The following MEGF11 variants were observed in gnomAD, a reference collection of about 807,000 sequenced individuals.
MEGF11 encodes the protein multiple epidermal growth factor-like domains protein 11.
A neutral mutation model predicts 146.6 loss-of-function variants in MEGF11; 126 were observed. The ratio of observed to expected loss-of-function variants is 0.86; its 90% CI spans 0.74 to 1.00. The LOEUF is 1.00. MEGF11 is among the 50% of genes least tolerant of loss of function. The pLI is 0.00. For missense variants in MEGF11, 1,509 were observed against 1,521.2 expected (o/e 0.99, Z 0.13); for synonymous variants, 532 against 583.4 (o/e 0.91, Z 1.27).
intron 4 of MEGF11, 97 bp from the exon 5 acceptor site, chr15:66,094,591 G>A: frequency 9.4e-7 from 1 of 1,062,650 alleles, no homozygotes; most frequent in East Asian, 2.6e-5. Context: ...CAACTCCCTG[G>A]TGCCCAGGGA....
intron 5 of MEGF11, among the ~76,000 whole-genome samples, chr15:66,090,969 T>G (rs576167683): frequency 6.6e-6 from 1 of 152,216 alleles, no homozygotes; most frequent in Non-Finnish European, 1.5e-5. Context: ...TGGTTATCTC[T>G]GGGGTGGAGA....
rs144042663 is a variant in MEGF11, at chr15:66,124,454, G to A, written c.99-454C>T. On this transcript the variant is annotated intron_variant, in intron 2 of 25. Transcript: ENST00000395614. ...TTATAGAGGAAGAAACTAAGGTTCA[G>A]AGAAAAGTGACTTGCCCAGCTCACA... is the stretch of plus-strand genomic sequence containing the variant. Among the ~76,000 whole-genome samples the A allele has an allele frequency of 2.4e-4, 36 of 152,326 alleles. No homozygotes were observed. In the East Asian group the frequency reaches 5.2e-3, roughly 22 times the overall value.
chr15:66,034,728 T>G (rs1198231678), intron 5 of MEGF11, among the ~76,000 whole-genome samples: 1 of 152,200 alleles, frequency 6.6e-6, no homozygotes, highest in Non-Finnish European at 1.5e-5. Context: ...GCAAATGCTA[T>G]GGTTTGAATG....
At position 65,957,718 on chromosome 15, in the gene MEGF11, G is replaced by A. The variant is rs1184747325; in HGVS notation, c.1116C>T (p.Cys372=). 35 of 1,613,530 alleles carry A rather than the reference G, an allele frequency of 2.2e-5. No individual in the cohort carries two copies. Among genetic ancestry groups the A allele is most frequent in the Non-Finnish European group, 2.7e-5 (32 of 1,179,868 alleles). Residue 372 remains cysteine (C), a synonymous_variant, in exon 10 of 26, where the codon TGC becomes TGT. Transcript: ENST00000395614. The part of the protein sequence containing the change: ...CPCDADNTIS[C]HPVTGACTCQ... ...AGGTACAAGCTCCAGTTACTGGGTG[G>A]CAGCTGCACAGATGAGAGAAGGGTG...
intron 10 of MEGF11, among the ~76,000 whole-genome samples, chr15:65,935,648 A>G (rs1402573058): frequency 1.3e-5 from 2 of 152,208 alleles, no homozygotes; most frequent in African/African-American, 4.8e-5. Flanking sequence ...CCTAATAGCA[A>G]AAAGTCCAAA....
At chr15:66,174,365 T>C (rs1247958004) in intron 1 of MEGF11, among the ~76,000 whole-genome samples, 1 of 152,120 alleles carries the variant, frequency 6.6e-6, no homozygotes, top group Non-Finnish European at 1.5e-5. Context: ...ATTAAGCATG[T>C]GCCCGAGACT....
chr15:65,964,070 A>C (rs1411698463), intron 9 of MEGF11, among the ~76,000 whole-genome samples: 1 of 152,224 alleles, frequency 6.6e-6, no homozygotes, highest in Non-Finnish European at 1.5e-5. Context: ...CATCACCCAG[A>C]TAAGAGGCAG....
At chr15:65,997,794 A>C (rs1175110945) in intron 5 of MEGF11, among the ~76,000 whole-genome samples, 1 of 152,230 alleles carries the variant, frequency 6.6e-6, no homozygotes, top group African/African-American at 2.4e-5. Flanking sequence ...AAGTTGCAGT[A>C]AGGGTATGGA....
intron 20 of MEGF11, among the ~76,000 whole-genome samples, chr15:65,912,633 T>C (rs907128038): frequency 2.6e-5 from 4 of 152,074 alleles, no homozygotes; most frequent in Admixed American, 6.5e-5. Flanking sequence ...AACCTCTCCA[T>C]AGGGCTGGGG....
chr15:66,166,489 C>T (rs1000817325), intron 1 of MEGF11, among the ~76,000 whole-genome samples: 17 of 152,296 alleles, frequency 1.1e-4, no homozygotes, highest in African/African-American at 3.1e-4. Flanking sequence ...TCAGATCACA[C>T]TGCTCCACTG....
In MEGF11 at chr15:65,928,494, A is replaced by G. The variant is rs2079453952; in HGVS notation, c.1606T>C (p.Cys536Arg). Residue 536 changes from cysteine to arginine, a missense_variant, in exon 13 of 26, where the codon TGT becomes CGT. Cys to Arg is a radical substitution (Grantham distance 180). Coordinates refer to ENST00000395614, the MANE Select transcript of MEGF11 (RefSeq NM_001385028.1). ...GTFGLNCSEH[C>R]DCSHADGCDP... ...CATCCATCAGCATGGCTGCAGTCAC[A>G]GTGTTCACTGCAGTTCAGCCCAAAT... is the stretch of plus-strand genomic sequence containing the variant. 1 of 1,606,900 alleles carries G rather than the reference A, an allele frequency of 6.2e-7. No homozygotes were observed. Among genetic ancestry groups the G allele is most frequent in the South Asian group, 1.1e-5 (1 of 89,464 alleles).
At chr15:65,964,561 C>T (rs1481432988) in intron 9 of MEGF11, among the ~76,000 whole-genome samples, 1 of 152,230 alleles carries the variant, frequency 6.6e-6, no homozygotes, top group Non-Finnish European at 1.5e-5. Context: ...CACCCGAGCC[C>T]TGCCATCCTA....
intron 10 of MEGF11, among the ~76,000 whole-genome samples, chr15:65,932,313 G>A (rs898460647): frequency 6.6e-6 from 1 of 152,116 alleles, no homozygotes; most frequent in African/African-American, 2.4e-5. Flanking sequence ...CTTGGAGGGC[G>A]ATGTCTATAG....
intron 5 of MEGF11, among the ~76,000 whole-genome samples, chr15:66,084,547 G>C (rs1475872913): frequency 1.3e-5 from 2 of 152,170 alleles, no homozygotes; most frequent in Non-Finnish European, 2.9e-5. Flanking sequence ...CCCCACTGGA[G>C]AGGCTGAAGT....
chr15:65,981,599 C>T (rs1436737451), intron 6 of MEGF11, among the ~76,000 whole-genome samples: 1 of 152,116 alleles, frequency 6.6e-6, no homozygotes, highest in Non-Finnish European at 1.5e-5. Flanking sequence ...TTGGAGAGGC[C>T]ACAGAGTCTG....
At chr15:66,235,940 A>G (rs894148296) in intron 1 of MEGF11, among the ~76,000 whole-genome samples, 1 of 152,250 alleles carries the variant, frequency 6.6e-6, no homozygotes, top group Admixed American at 6.5e-5. Flanking sequence ...TCCCTGTTTG[A>G]CCAAGTCCCT....
chr15:66,175,149 A>G (rs2090358530), intron 1 of MEGF11, among the ~76,000 whole-genome samples: 1 of 152,200 alleles, frequency 6.6e-6, no homozygotes, highest in Admixed American at 6.5e-5. Context: ...ACAAAGAGTG[A>G]CAATTTTACT....
intron 13 of MEGF11, among the ~76,000 whole-genome samples, chr15:65,927,813 A>G (rs1051664442): frequency 6.6e-6 from 1 of 152,238 alleles, no homozygotes; most frequent in Non-Finnish European, 1.5e-5. Flanking sequence ...GCAGAGCCAG[A>G]TCCCGTGGGC....
intron 15 of MEGF11, among the ~76,000 whole-genome samples, chr15:65,921,244 C>G (rs1202250930): frequency 6.6e-6 from 1 of 152,160 alleles, no homozygotes; most frequent in African/African-American, 2.4e-5. Flanking sequence ...AGATTTCTTG[C>G]ATAGATGACC....
Sources: allele counts gnomAD v4.1 joint callset (sites outside exome capture counted in the v4.1 genomes callset), GRCh38; gene constraint gnomAD v4.1.1; transcripts MANE v1.5; gene names NCBI Gene and HGNC (gene_info 2026-07-23, HGNC 2026-07-21).